PPEF1: variants seen among roughly 807,000 people sequenced by gnomAD.
PPEF1 encodes the protein protein phosphatase with EF-hand domain 1.
PPEF1 carries 12 observed loss-of-function variants against 53.3 expected under a neutral mutation model. The ratio of observed to expected loss-of-function variants is 0.23; its 90% confidence interval spans 0.14 to 0.36. PPEF1 has a LOEUF of 0.36. Ranked by LOEUF, PPEF1 falls within the 10% of genes least tolerant of loss-of-function variation. PPEF1 has a pLI of 1.00. For missense variants in PPEF1, 334 were observed against 490.4 expected, an observed-to-expected ratio of 0.68 and a Z score of 3.01; for synonymous variants, 165 against 176.7, an observed-to-expected ratio of 0.93 and a Z score of 0.52.
intron 14 of PPEF1, among the ~76,000 whole-genome samples, chrX:18,824,615 A>AT (rs914589647): frequency 3.6e-5 from 4 of 110,346 alleles, no homozygotes; most frequent in Admixed American, 9.7e-5. Flanking sequence ...CAAATACTGG[A>AT]TTTTTTTTTG....
intron 9 of PPEF1, among the ~76,000 whole-genome samples, chrX:18,787,660 C>T (rs2046233516): frequency 9.3e-6 from 1 of 108,078 alleles, no homozygotes; most frequent in Non-Finnish European, 1.9e-5. Flanking sequence ...TGGCTCATGC[C>T]TATAGTCCCA....
chrX:18,814,539 C>A (rs1170086298), intron 12 of PPEF1, among the ~76,000 whole-genome samples: 1 of 111,875 alleles, frequency 8.9e-6, no homozygotes, highest in African/African-American at 3.2e-5. Context: ...GTCATTCTGA[C>A]TGGTGTGAGA....
At chrX:18,788,698 G>A (rs1192381837) in intron 9 of PPEF1, among the ~76,000 whole-genome samples, 1 of 111,211 alleles carries the variant, frequency 9.0e-6, no homozygotes, top group Non-Finnish European at 1.9e-5. Flanking sequence ...TTTTCTTCTG[G>A]AAAGCATAAC....
chrX:18,748,742 A>T lies in PPEF1; in HGVS notation c.236-1050A>T, dbSNP rs976778512. Among the ~76,000 whole-genome samples the T allele has an allele frequency of 2.7e-5, 3 of 111,729 alleles. No individual in the cohort carries two copies. The Admixed American group carries it at 2.9e-4, about 11-fold the overall frequency. On this transcript the variant is annotated intron_variant, in intron 3 of 15. Coordinates refer to ENST00000470157, the MANE Select transcript of PPEF1 (RefSeq NM_001377996.1). ...GGCTAGGATGACTCAGCTCAGCTCT[A>T]CATGGTCTTGGGTCTTTCTGAAGCC... is the stretch of plus-strand genomic sequence containing the variant.
chrX:18,784,692 A>T (rs2046165411), intron 9 of PPEF1, among the ~76,000 whole-genome samples: 1 of 111,097 alleles, frequency 9.0e-6, no homozygotes, highest in Admixed American at 9.7e-5. Flanking sequence ...TTTCCCACAT[A>T]ATACACATCA....
chrX:18,723,237 G>A (rs180778022), intron 1 of PPEF1, among the ~76,000 whole-genome samples: 13 of 110,998 alleles, frequency 1.2e-4, no homozygotes, highest in African/African-American at 2.9e-4. Flanking sequence ...CACCTGCTTC[G>A]GCCTCCCAAA....
intron 3 of PPEF1, chrX:18,686,327 A>G (rs1191389091): frequency 9.0e-6 from 1 of 111,378 alleles, no homozygotes; most frequent in African/African-American, 3.3e-5. Flanking sequence ...CACCCCCTGG[A>G]CTGGCTCTTC....
intron 1 of PPEF1, among the ~76,000 whole-genome samples, chrX:18,716,668 C>T (rs748614469): frequency 1.5e-4 from 17 of 110,566 alleles, no homozygotes; most frequent in African/African-American, 5.3e-4. Flanking sequence ...CAGTTTGAGA[C>T]CTTCATGGAA....
At chrX:18,727,414 T>C (rs1602386244) in intron 1 of PPEF1, among the ~76,000 whole-genome samples, 1 of 111,493 alleles carries the variant, frequency 9.0e-6, no homozygotes, top group Non-Finnish European at 1.9e-5. Flanking sequence ...ATTTCAGCCA[T>C]GCCACTGCCA....
At chrX:18,752,354 T>C (rs1159300017) in intron 4 of PPEF1, among the ~76,000 whole-genome samples, 1 of 111,415 alleles carries the variant, frequency 9.0e-6, no homozygotes, top group African/African-American at 3.3e-5. Flanking sequence ...ACTTGTTAGC[T>C]CTAGTAGTTT....
intron 5 of PPEF1, among the ~76,000 whole-genome samples, chrX:18,760,900 C>T (rs892314446): frequency 1.2e-4 from 13 of 109,325 alleles, no homozygotes; most frequent in African/African-American, 4.4e-4. Context: ...ATGCTTCAGC[C>T]CCCACAAGTA....
intron 4 of PPEF1, among the ~76,000 whole-genome samples, chrX:18,756,577 G>C (rs2045554448): frequency 1.8e-5 from 2 of 112,059 alleles, no homozygotes; most frequent in South Asian, 7.3e-4. Flanking sequence ...TATTTAACCT[G>C]AATATATTTA....
intron 4 of PPEF1, chrX:18,697,717 G>A (rs1929810309): frequency 9.0e-6 from 1 of 111,573 alleles, no homozygotes; most frequent in African/African-American, 3.3e-5. Flanking sequence ...ATCCAATCAT[G>A]TGTATTTTTT....
Position 18,812,859 on chromosome X carries a change from C to A in PPEF1, c.1395-5180C>A, listed in dbSNP as rs193155296. ...TCATAGCTCACTGCACCCTCAAATT[C>A]CTGGGCCTTACATTAAAATTAGCTT... is the stretch of plus-strand genomic sequence containing the variant. On this transcript the variant is annotated intron_variant, in intron 12 of 15. Transcript: ENST00000470157. Among the ~76,000 whole-genome samples, 297 of 109,814 alleles carry A rather than the reference C, an allele frequency of 2.7e-3. 2 individuals carry two copies. Among genetic ancestry groups the A allele is most frequent in the African/African-American group, 9.5e-3 (287 of 30,164 alleles).
rs775797382 is a variant in PPEF1, at chrX:18,783,903, A to G, written c.767A>G (p.His256Arg). The change falls in exon 9 of 16, where the codon CAT (histidine) becomes CGT (arginine). Residue 256 changes from histidine (H) to arginine (R), a missense_variant. His to Arg is a conservative substitution (Grantham distance 29). Coordinates refer to ENST00000470157, the MANE Select transcript of PPEF1 (RefSeq NM_001377996.1). ...TKEILHKYKL[H>R]GKRILQILEE... ...TACTCAAGCTCTTACTTACAGCTAC[A>G]TGGAAAAAGAATCTTACAAATCTTG... 16 of 1,205,203 alleles carry G rather than the reference A, an allele frequency of 1.3e-5. No homozygotes were observed. The highest frequency in any genetic ancestry group is 2.2e-5 in the Admixed American group (1 of 44,858).
intron 4 of PPEF1, among the ~76,000 whole-genome samples, chrX:18,752,562 A>G (rs940700449): frequency 4.5e-5 from 5 of 111,126 alleles, no homozygotes; most frequent in African/African-American, 1.6e-4. Flanking sequence ...AGGCATGTTT[A>G]TCTTGTTCCT....
At chrX:18,717,650 G>A (rs2044487067) in intron 1 of PPEF1, among the ~76,000 whole-genome samples, 1 of 111,448 alleles carries the variant, frequency 9.0e-6, no homozygotes, top group Non-Finnish European at 1.9e-5. Flanking sequence ...TGGCACTCCT[G>A]CCCACTCCCT....
At chrX:18,679,651 A>G (rs952644155), upstream of PPEF1, among the ~76,000 whole-genome samples, 4 of 111,118 alleles carry the variant, frequency 3.6e-5, no homozygotes, top group Non-Finnish European at 7.5e-5. Flanking sequence ...CCTACAGACT[A>G]TTCTCCACAC....
At chrX:18,779,791 T>A (rs751858074) in intron 7 of PPEF1, among the ~76,000 whole-genome samples, 1 of 112,080 alleles carries the variant, frequency 8.9e-6, no homozygotes, top group African/African-American at 3.2e-5. Context: ...CTTCTTCTTT[T>A]AAAAAATCTC....
Sources: allele counts gnomAD v4.1 joint callset (sites outside exome capture counted in the v4.1 genomes callset), GRCh38; gene constraint gnomAD v4.1.1; transcripts MANE v1.5; gene names NCBI Gene and HGNC (gene_info 2026-07-23, HGNC 2026-07-21).